The following MALRD1 variants were observed in gnomAD, a reference collection of about 807,000 sequenced individuals.
The protein encoded by MALRD1 is MAM and LDL receptor class A domain containing 1.
In MALRD1, 247 loss-of-function variants were observed where a neutral mutation model predicts 242.1. The observed-to-expected ratio is 1.02, with a 90% CI of 0.92 to 1.13. The LOEUF is 1.13. Ranked by LOEUF, MALRD1 falls within the 50% of genes most tolerant of loss-of-function variation. The probability of loss-of-function intolerance (pLI) is 0.00; values close to 1 mark genes in which losing one functional copy is unlikely to be tolerated. For synonymous variants in MALRD1, 995 were observed against 866.6 expected (o/e 1.15, Z -2.60); for missense variants, 2,989 against 2,533.1 (o/e 1.18, Z -3.86).
intron 18 of MALRD1, among the ~76,000 whole-genome samples, chr10:19,240,019 T>C (rs1445995259): frequency 2.6e-5 from 4 of 152,132 alleles, no homozygotes; most frequent in African/African-American, 9.7e-5. Context: ...GGGTACTTTT[T>C]TCTGTTTCTG....
chr10:19,292,327 A>G (rs1314741230), intron 21 of MALRD1, among the ~76,000 whole-genome samples: 1 of 152,174 alleles, frequency 6.6e-6, no homozygotes, highest in East Asian at 1.9e-4. Flanking sequence ...AAAAACACAC[A>G]TACCAATCTC....
intron 19 of MALRD1, among the ~76,000 whole-genome samples, chr10:19,271,172 A>G (rs1438568738): frequency 2.0e-5 from 3 of 152,224 alleles, no homozygotes; most frequent in Non-Finnish European, 4.4e-5. Flanking sequence ...ACAATACCTT[A>G]GAAGAATCAA....
In MALRD1 at chr10:19,048,898, C is replaced by T. The variant is rs1243474635; in HGVS notation, c.-41C>T. On this transcript the variant is annotated 5_prime_UTR_variant, in exon 1 of 40. Coordinates refer to ENST00000454679, the MANE Select transcript of MALRD1 (RefSeq NM_001142308.3). ...AAGAATGTTTCCAATGATGGACTTA[C>T]TTATTACAACTGCTTGATCTCTAAT... The T allele has an allele frequency of 8.3e-7, 1 of 1,209,142 alleles. No homozygotes were observed. Among genetic ancestry groups the T allele is most frequent in the African/African-American group, 1.6e-5 (1 of 63,970 alleles). The allele number at this position is 1,209,142 out of a possible 1,614,324, so 74.9% of individuals were successfully genotyped here. A position where few individuals can be genotyped will look rare whatever the true frequency, so the allele number is the denominator to read the frequency against.
At chr10:19,487,044 G>T (rs760408841) in intron 29 of MALRD1, among the ~76,000 whole-genome samples, 1 of 151,952 alleles carries the variant, frequency 6.6e-6, no homozygotes, top group Non-Finnish European at 1.5e-5. Flanking sequence ...TTACATCTCT[G>T]TTTGTCAGTC....
At chr10:19,303,513 C>G (rs557339212) in intron 21 of MALRD1, among the ~76,000 whole-genome samples, 2 of 151,560 alleles carry the variant, frequency 1.3e-5, no homozygotes, top group Admixed American at 1.3e-4. Context: ...AGAATTAATG[C>G]GATTAGCAAA....
chr10:19,212,061 G>C (rs147641256), intron 18 of MALRD1, among the ~76,000 whole-genome samples: 13 of 152,228 alleles, frequency 8.5e-5, no homozygotes, highest in African/African-American at 3.1e-4. Flanking sequence ...AAAGGCTCAG[G>C]AAATCATTAC....
chr10:19,528,542 A>G (rs1383117036), intron 31 of MALRD1, among the ~76,000 whole-genome samples: 1 of 152,150 alleles, frequency 6.6e-6, no homozygotes, highest in Non-Finnish European at 1.5e-5. Flanking sequence ...GCAGTGAGCC[A>G]ATATCGTGCC....
intron 1 of MALRD1, among the ~76,000 whole-genome samples, chr10:19,059,592 G>T (rs1295968247): frequency 6.6e-6 from 1 of 151,932 alleles, no homozygotes; most frequent in Non-Finnish European, 1.5e-5. Context: ...GAGTTTCACT[G>T]TGTTGGCCAG....
intron 29 of MALRD1, among the ~76,000 whole-genome samples, chr10:19,487,927 C>A (rs1167724087): frequency 6.6e-6 from 1 of 152,104 alleles, no homozygotes; most frequent in Non-Finnish European, 1.5e-5. Flanking sequence ...TCCAAAGACT[C>A]TGGATATGCA....
At chr10:19,100,842 G>A (rs1836225031) in intron 4 of MALRD1, among the ~76,000 whole-genome samples, 1 of 152,064 alleles carries the variant, frequency 6.6e-6, no homozygotes, top group African/African-American at 2.4e-5. Flanking sequence ...ATGTGATATA[G>A]TTAACACTTA....
At chr10:19,506,654 A>C (rs1462051956) in intron 31 of MALRD1, among the ~76,000 whole-genome samples, 1 of 152,152 alleles carries the variant, frequency 6.6e-6, no homozygotes, top group Non-Finnish European at 1.5e-5. Flanking sequence ...AAATATTTAC[A>C]TAAAATATAT....
At chr10:19,242,388 A>G (rs750764494) in intron 18 of MALRD1, among the ~76,000 whole-genome samples, 2 of 152,158 alleles carry the variant, frequency 1.3e-5, no homozygotes, top group Non-Finnish European at 2.9e-5. Context: ...GGGTGGGGAT[A>G]TACAGCCAAA....
chr10:19,649,527 A>G (rs967250612), intron 36 of MALRD1, among the ~76,000 whole-genome samples: 1 of 152,076 alleles, frequency 6.6e-6, no homozygotes, highest in Non-Finnish European at 1.5e-5. Flanking sequence ...GGCCACATGT[A>G]TGTCTTTTCA....
chr10:19,727,263 T>C (rs970816356), intron 38 of MALRD1, among the ~76,000 whole-genome samples: 1 of 152,206 alleles, frequency 6.6e-6, no homozygotes, highest in Non-Finnish European at 1.5e-5. Flanking sequence ...GTTTACTGGA[T>C]GTAACATAGA....
At chr10:19,272,142 A>G (rs1163094689) in intron 19 of MALRD1, among the ~76,000 whole-genome samples, 3 of 152,182 alleles carry the variant, frequency 2.0e-5, no homozygotes, top group African/African-American at 7.2e-5. Flanking sequence ...GTAAAGACTT[A>G]AATGTGCAAA....
chr10:19,060,329 G>C (rs1834786557), intron 1 of MALRD1, among the ~76,000 whole-genome samples: 1 of 152,190 alleles, frequency 6.6e-6, no homozygotes, highest in Admixed American at 6.5e-5. Context: ...CTGCAGGTTT[G>C]AGCTCAGCTT....
intron 38 of MALRD1, among the ~76,000 whole-genome samples, chr10:19,719,248 A>T (rs1422189745): frequency 7.3e-6 from 1 of 136,708 alleles, no homozygotes; most frequent in Admixed American, 7.6e-5. Flanking sequence ...ATATATATAT[A>T]TATATATATA....
chr10:19,459,104 C>G (rs889587558), intron 29 of MALRD1, among the ~76,000 whole-genome samples: 47 of 152,182 alleles, frequency 3.1e-4, no homozygotes, highest in East Asian at 3.9e-4. Flanking sequence ...AGGTCACAGT[C>G]TCAGGATTAT....
At chr10:19,719,192 A>G (rs1255710975) in intron 38 of MALRD1, among the ~76,000 whole-genome samples, 3 of 68,124 alleles carry the variant, frequency 4.4e-5, no homozygotes, top group African/African-American at 3.0e-4. Flanking sequence ...ATATATATAC[A>G]TACATATATA....
Sources: gnomAD v4.1 joint callset for allele counts (sites outside exome capture counted in the v4.1 genomes callset) on GRCh38, gnomAD v4.1.1 for gene constraint, MANE v1.5 for transcripts, NCBI Gene and HGNC (gene_info 2026-07-23, HGNC 2026-07-21) for gene names.